Variants in SAMD5 observed in about 807,000 individuals in gnomAD.
SAMD5 encodes the protein sterile alpha motif domain containing 5.
Under a neutral mutation model 11.3 loss-of-function variants are expected in SAMD5, and 13 were observed. That is an observed-to-expected ratio of 1.15 (90% CI 0.75 to 1.83). SAMD5 has a LOEUF of 1.83. Ranked by LOEUF, SAMD5 falls within the 40% of genes most tolerant of loss-of-function variation. The pLI is 0.00. For synonymous variants in SAMD5, 129 were observed against 111.3 expected (o/e 1.16, Z -1.00); for missense variants, 255 against 239.1 (o/e 1.07, Z -0.44).
intron 1 of SAMD5, among the ~76,000 whole-genome samples, chr6:147,607,721 A>G (rs182411665): frequency 5.3e-5 from 8 of 152,354 alleles, no homozygotes; most frequent in African/African-American, 1.7e-4. Flanking sequence ...TCTCCAGGAC[A>G]TTGGTCTGGG....
the SAMD5 span, among the ~76,000 whole-genome samples, chr6:147,875,855 G>A: frequency 6.6e-6 from 1 of 151,972 alleles, no homozygotes; most frequent in Non-Finnish European, 1.5e-5. Context: ...ACAAACTCAG[G>A]GTTCCCACTG....
chr6:147,712,082 AAT>A (rs1218059565), intron 1 of SAMD5, among the ~76,000 whole-genome samples: 4 of 152,212 alleles, frequency 2.6e-5, no homozygotes, highest in Non-Finnish European at 1.5e-5. Context: ...AATTTTTAAA[AAT>A]AATAGTTATT....
chr6:147,833,561 T>C, the SAMD5 span, among the ~76,000 whole-genome samples: 1 of 152,190 alleles, frequency 6.6e-6, no homozygotes, highest in African/African-American at 2.4e-5. Flanking sequence ...AAGAAGAGTA[T>C]TTTTGCAGGA....
At chr6:147,657,776 A>G (rs1425948049) in intron 1 of SAMD5, among the ~76,000 whole-genome samples, 4 of 152,230 alleles carry the variant, frequency 2.6e-5, no homozygotes, top group Admixed American at 2.6e-4. Flanking sequence ...AGTTTCTTTT[A>G]TATGGGCATC....
the SAMD5 span, among the ~76,000 whole-genome samples, chr6:147,811,490 A>C: frequency 3.3e-5 from 5 of 152,158 alleles, no homozygotes; most frequent in Admixed American, 3.3e-4. Flanking sequence ...TGAACAGAAC[A>C]GTAGCAGTGC....
At chr6:147,668,525 AC>A (rs1205580105) in intron 1 of SAMD5, among the ~76,000 whole-genome samples, 11 of 152,174 alleles carry the variant, frequency 7.2e-5, no homozygotes, top group African/African-American at 2.4e-4. Flanking sequence ...AAGTCACATG[AC>A]TTTTTGGTTT....
chr6:147,528,254 C>T (rs183938499), intron 1 of SAMD5, among the ~76,000 whole-genome samples: 3 of 152,246 alleles, frequency 2.0e-5, no homozygotes, highest in Admixed American at 2.0e-4. Context: ...GCTATGCCTG[C>T]CCTAATAAAA....
the SAMD5 span, chr6:147,743,388 A>C: frequency 6.6e-6 from 1 of 152,228 alleles, no homozygotes; most frequent in East Asian, 1.9e-4. Context: ...CTGTAGTCCC[A>C]GCTACTCAGG....
chr6:147,593,025 G>GTT (rs34976292), intron 1 of SAMD5, among the ~76,000 whole-genome samples: 8,453 of 152,028 alleles, frequency 0.056, 694 homozygotes, highest in African/African-American at 0.18. Flanking sequence ...ATACTGCAGA[G>GTT]GTAATTAAGG....
chr6:147,944,535 A>G, the SAMD5 span, among the ~76,000 whole-genome samples: 1 of 152,198 alleles, frequency 6.6e-6, no homozygotes, highest in Non-Finnish European at 1.5e-5. Flanking sequence ...GGAATTCAAG[A>G]TGAGATTTAG....
At chr6:147,807,213 C>T in the SAMD5 span, among the ~76,000 whole-genome samples, 2 of 152,092 alleles carry the variant, frequency 1.3e-5, no homozygotes, top group Non-Finnish European at 2.9e-5. Context: ...CATTCTCCTA[C>T]CTCAGACTCC....
chr6:147,509,674 C>T (rs1025263136), intron 1 of SAMD5, among the ~76,000 whole-genome samples: 9 of 152,180 alleles, frequency 5.9e-5, no homozygotes, highest in Admixed American at 6.5e-5. Flanking sequence ...ATCGGACTCG[C>T]GCTGCTTCAC....
chr6:147,746,785 A>C, the SAMD5 span, among the ~76,000 whole-genome samples: 1 of 152,166 alleles, frequency 6.6e-6, no homozygotes, highest in Non-Finnish European at 1.5e-5. Context: ...GAATACAAGG[A>C]CTAGTACGTT....
the SAMD5 span, among the ~76,000 whole-genome samples, chr6:147,755,515 G>C: frequency 6.6e-6 from 1 of 151,988 alleles, no homozygotes; most frequent in Non-Finnish European, 1.5e-5. Flanking sequence ...TGCTTGTCTA[G>C]TGCATTTTCT....
chr6:147,662,954 A>G (rs529286851), intron 1 of SAMD5, among the ~76,000 whole-genome samples: 3 of 152,210 alleles, frequency 2.0e-5, no homozygotes, highest in Non-Finnish European at 2.9e-5. Context: ...GTTTTTAATT[A>G]TTAATATTTC....
chr6:147,744,247 T>A, the SAMD5 span, among the ~76,000 whole-genome samples: 1 of 152,208 alleles, frequency 6.6e-6, no homozygotes, highest in Non-Finnish European at 1.5e-5. Context: ...ACATCACATC[T>A]GTAAAAAGAA....
rs537007331 is a variant in SAMD5, at chr6:147,565,210, T to G, written c.*754T>G. ...CTATTTTACTTCATAGCTAGTTTCT[T>G]GCACTCTGTGGAGACTGCCAGGGCC... On this transcript the variant is annotated 3_prime_UTR_variant, in exon 2 of 2. Coordinates refer to ENST00000367474, the MANE Select transcript of SAMD5 (RefSeq NM_001030060.3). The G allele has an allele frequency of 4.0e-5, 39 of 985,792 alleles. No individual in the cohort carries two copies. The highest frequency in any genetic ancestry group is 4.6e-5 in the Non-Finnish European group (38 of 829,988). 61.1% of individuals were successfully genotyped at this position (985,792 alleles called of 1,614,324 possible).
the SAMD5 span, among the ~76,000 whole-genome samples, chr6:147,760,723 A>G: frequency 6.6e-6 from 1 of 152,216 alleles, no homozygotes; most frequent in Non-Finnish European, 1.5e-5. Flanking sequence ...CCGTGTCAGT[A>G]TCTAGAAGTG....
intron 1 of SAMD5, among the ~76,000 whole-genome samples, chr6:147,602,658 C>T (rs1383999113): frequency 1.5e-4 from 23 of 151,990 alleles, no homozygotes; most frequent in Admixed American, 1.3e-3. Context: ...GCAGGAGAAT[C>T]GCTTGAACCT....
Sources: gnomAD v4.1 joint callset for allele counts (sites outside exome capture counted in the v4.1 genomes callset) on GRCh38, gnomAD v4.1.1 for gene constraint, MANE v1.5 for transcripts, NCBI Gene and HGNC (gene_info 2026-07-23, HGNC 2026-07-21) for gene names.